The following LZTS3 variants were observed in gnomAD, a reference collection of about 807,000 sequenced individuals.
LZTS3 encodes leucine zipper putative tumor suppressor 3.
Under a neutral mutation model 50.9 loss-of-function variants are expected in LZTS3, and 16 were observed. The ratio of observed to expected loss-of-function variants is 0.31; its 90% CI spans 0.21 to 0.48. The LOEUF is 0.48. Ranked by LOEUF, LZTS3 falls within the 20% of genes least tolerant of loss-of-function variation. The pLI is 0.99. For missense variants in LZTS3, 816 were observed against 931.0 expected (o/e 0.88, Z 1.61); for synonymous variants, 408 against 410.6 (o/e 0.99, Z 0.08).
chr20:3,173,298 T>C lies in LZTS3; in HGVS notation c.-243+157A>G, dbSNP rs891666050. The stretch of plus-strand genomic sequence containing the variant: ...CAGGCCGGGCGAAGCATCCATGACA[T>C]CATCCGCCTCCTCTCCGCTCCCCTC... On this transcript the variant is annotated intron_variant, in intron 1 of 4. Coordinates refer to ENST00000337576, the MANE Select transcript of LZTS3 (RefSeq NM_001365618.1). Among the ~76,000 whole-genome samples the C allele has an allele frequency of 1.3e-4, 20 of 151,720 alleles. No individual in the cohort carries two copies. The South Asian group carries it at 4.2e-3, about 32-fold the overall frequency.
At position 3,165,889 on chromosome 20, in the gene LZTS3, C is replaced by T. The variant is rs866064164; in HGVS notation, c.931G>A (p.Ala311Thr). 2 of 1,607,546 alleles carry T rather than the reference C, an allele frequency of 1.2e-6. No individual in the cohort carries two copies. The highest frequency in any genetic ancestry group is 8.5e-7 in the Non-Finnish European group (1 of 1,179,544). The change falls in exon 4 of 5, where the codon GCC becomes ACC. Residue 311 changes from alanine to threonine, a missense_variant. Coordinates refer to ENST00000337576, the MANE Select transcript of LZTS3 (RefSeq NM_001365618.1). This position sits in a 1 kb window ranked among gnomAD's most constrained non-coding sequence, Gnocchi z 5.0. ...EGGGGGLPFAACSPPSPSALI... is the reference protein window; with the variant it reads ...EGGGGGLPFATCSPPSPSALI... ...GCACTGGGGGAGGGCGGTGAGCAGG[C>T]CGCGAAAGGCAGGCCTCCACCTCCG...
rs1314254181 is a variant in LZTS3 at position 3,166,274 on chromosome 20, C to T, written c.546G>A (p.Gln182=). 1 of 1,613,982 alleles carries T rather than the reference C, an allele frequency of 6.2e-7. No individual in the cohort carries two copies. The highest frequency in any genetic ancestry group is 1.3e-5 in the African/African-American group (1 of 75,060). Residue 182 remains glutamine (Q), a synonymous_variant, in exon 4 of 5, where the codon CAG becomes CAA. Coordinates refer to ENST00000337576, the MANE Select transcript of LZTS3 (RefSeq NM_001365618.1). ...FHSMQNLCPP[Q]TNGTPEGRQG... The stretch of plus-strand genomic sequence containing the variant: ...GCCGTCCCTCAGGAGTCCCATTGGT[C>T]TGCGGGGGGCACAAATTCTGCATGG...
chr20:3,167,047 G>A lies in LZTS3; in HGVS notation c.117C>T (p.Ser39=), dbSNP rs923081653. 23 of 1,571,778 alleles carry A rather than the reference G, an allele frequency of 1.5e-5. No individual in the cohort carries two copies. The highest frequency in any genetic ancestry group is 4.6e-5 in the East Asian group (2 of 43,896). Residue 39 remains serine, a synonymous_variant, in exon 3 of 5, where the codon AGC becomes AGT. Coordinates refer to ENST00000337576, the MANE Select transcript of LZTS3 (RefSeq NM_001365618.1). ...GPPDPRLAMG[S]VGSGVAHAQE... is the part of the protein sequence containing the mutation. ...GGGCATGGGCCACCCCACTGCCCACGCTGCCCATGGCCAGGCGGGGGTCCG... is the reference window on the plus strand; with the variant it reads ...GGGCATGGGCCACCCCACTGCCCACACTGCCCATGGCCAGGCGGGGGTCCG...
At chr20:3,170,612 G>A (rs970373830) in intron 1 of LZTS3, among the ~76,000 whole-genome samples, 5 of 150,952 alleles carry the variant, frequency 3.3e-5, no homozygotes, top group East Asian at 1.9e-4. Flanking sequence ...CCAACAGGGC[G>A]AAACCCTGCC....
In LZTS3 at chr20:3,165,403, A is replaced by ACCCC; in HGVS notation, c.1323+93_1323+94insGGGG. 1 of 699,242 alleles carries ACCCC rather than the reference A, an allele frequency of 1.4e-6. No individual in the cohort carries two copies. The highest frequency in any genetic ancestry group is 2.0e-6 in the Non-Finnish European group (1 of 500,198). The allele number at this position is 699,242 out of a possible 1,614,324, so 43.3% of individuals were successfully genotyped here. ...CCCTGCTCCTTTCATCCCCCCCCCC[A>ACCCC]TCCCACCGTTATGATAGTGAGGGGC... is the stretch of plus-strand genomic sequence containing the variant. On this transcript the variant is annotated intron_variant, in intron 4 of 4. Transcript: ENST00000337576. This position sits in a 1 kb window ranked among gnomAD's most constrained non-coding sequence, Gnocchi z 5.0.
Position 3,167,961 on chromosome 20 carries a change from T to TTCG in LZTS3, c.-242-1_-242insCGA. 1 of 685,732 alleles carries TTCG rather than the reference T, an allele frequency of 1.5e-6. No individual in the cohort carries two copies. The highest frequency in any genetic ancestry group is 1.8e-6 in the Non-Finnish European group (1 of 556,302). The allele number at this position is 685,732 out of a possible 1,614,324, so 42.5% of individuals were successfully genotyped here. On this transcript the variant is annotated splice_region_variant and 5_prime_UTR_variant. Coordinates refer to ENST00000337576, the MANE Select transcript of LZTS3 (RefSeq NM_001365618.1). ...GCCATCCCGGACTGCAGTTTTCTCC[T>TTCG]CTGCGAAATGGGAGGAATGAAGGAC...
chr20:3,166,995 T>C lies in LZTS3; in HGVS notation c.169A>G (p.Thr57Ala). Reference sequence around the variant, plus strand: ...TGGCTGCCCCCACCCCCTGTGCGGGTACCCACGCTCTTCATGGCAAACTCC... The same window carrying C: ...TGGCTGCCCCCACCCCCTGTGCGGGCACCCACGCTCTTCATGGCAAACTCC... ...AQEFAMKSVG[T>A]RTGGGGSQGS... The change falls in exon 3 of 5, where the codon ACC becomes GCC. Residue 57 changes from threonine (T) to alanine (A), a missense_variant. This residue lies in a region of LZTS3 where 700 missense variants were observed against 769.4 expected (regional missense o/e 0.91). Transcript: ENST00000337576. 3 of 1,596,162 alleles carry C rather than the reference T, an allele frequency of 1.9e-6. No homozygotes were observed. Among genetic ancestry groups the C allele is most frequent in the Non-Finnish European group, 1.7e-6 (2 of 1,177,376 alleles).
chr20:3,169,165 A>T (rs1040751537), intron 1 of LZTS3, among the ~76,000 whole-genome samples: 1 of 152,214 alleles, frequency 6.6e-6, no homozygotes, highest in African/African-American at 2.4e-5. Context: ...AACAGCAAGT[A>T]CACAGCCCTG....
At chr20:3,170,390 G>C (rs1386244866) in intron 1 of LZTS3, among the ~76,000 whole-genome samples, 1 of 147,592 alleles carries the variant, frequency 6.8e-6, no homozygotes, top group African/African-American at 2.5e-5. Flanking sequence ...TCAGGAGGCT[G>C]AGGTGGGAGA....
rs2122169142 is a variant in LZTS3 at position 3,165,569 on chromosome 20, C to T, written c.1251G>A (p.Leu417=). 3.1e-6 allele frequency: 5 copies of T among 1,593,708 alleles called. No individual in the cohort carries two copies. The highest frequency in any genetic ancestry group is 4.2e-6 in the Non-Finnish European group (5 of 1,177,208). ...AARLMRQREE[L]EDKVAACQKE... Reference sequence around the variant, plus strand: ...TCTGGCAGGCGGCCACCTTGTCCTCCAGCTCTTCCCGCTGCCGCATCAGCC... The same window carrying T: ...TCTGGCAGGCGGCCACCTTGTCCTCTAGCTCTTCCCGCTGCCGCATCAGCC... Residue 417 remains leucine (L), a synonymous_variant, in exon 4 of 5, where the codon CTG becomes CTA. Coordinates refer to ENST00000337576, the MANE Select transcript of LZTS3 (RefSeq NM_001365618.1). This position sits in a 1 kb window ranked among gnomAD's most constrained non-coding sequence, Gnocchi z 5.0.
At position 3,173,515 on chromosome 20, in the gene LZTS3, G is replaced by T. The variant is rs1337472034; in HGVS notation, c.-303C>A. ...CGGGCGCCACCGGCCCCGCTTGCTG[G>T]CGCAGCCCGAAGCACGCCCGGCGGG... is the stretch of plus-strand genomic sequence containing the variant. On this transcript the variant is annotated 5_prime_UTR_variant, in exon 1 of 5. Coordinates refer to ENST00000337576, the MANE Select transcript of LZTS3 (RefSeq NM_001365618.1). 6.6e-6 allele frequency: 1 copy of T among 151,460 alleles called. No individual in the cohort carries two copies. Among genetic ancestry groups the T allele is most frequent in the Non-Finnish European group, 1.5e-5 (1 of 67,820 alleles). 9.4% of individuals were successfully genotyped at this position (151,460 alleles called of 1,614,324 possible). A position where few individuals can be genotyped will look rare whatever the true frequency, so the allele number is the denominator to read the frequency against.
rs1482727548 is a variant in LZTS3, at chr20:3,164,724, C to G, written c.1752G>C (p.Leu584=). The G allele has an allele frequency of 9.6e-6, 15 of 1,559,088 alleles. No individual in the cohort carries two copies. Among genetic ancestry groups the G allele is most frequent in the Non-Finnish European group, 1.3e-5 (15 of 1,154,472 alleles). The change falls in exon 5 of 5, where the codon CTG becomes CTC. Residue 584 remains leucine (L), a synonymous_variant. Transcript: ENST00000337576. Reference sequence around the variant, plus strand: ...GCTCCCGGGCCCGCCGCTCAGCCGCCAGCTCGGCCTGCAGCCGCCCCACCT... The same window carrying G: ...GCTCCCGGGCCCGCCGCTCAGCCGCGAGCTCGGCCTGCAGCCGCCCCACCT... ...RREVGRLQAE[L]AAERRARERQ...
Position 3,164,551 on chromosome 20 carries a change from G to A in LZTS3, c.1925C>T (p.Ala642Val). 1 of 1,607,690 alleles carries A rather than the reference G, an allele frequency of 6.2e-7. No individual in the cohort carries two copies. The change falls in exon 5 of 5, where the codon GCC (alanine) becomes GTC (valine). Residue 642 changes from alanine (A) to valine (V), a missense_variant. By Grantham distance (64) the Ala-to-Val change is moderately conservative. Coordinates refer to ENST00000337576, the MANE Select transcript of LZTS3 (RefSeq NM_001365618.1). The part of the protein sequence containing the change: ...QLERRLRERG[A>V]AGGASTPTPQ... ...AGTGGGCGTGCTTGCACCCCCTGCGGCCCCGCGCTCCCGCAGCCTGCGCTC... is the reference window on the plus strand; with the variant it reads ...AGTGGGCGTGCTTGCACCCCCTGCGACCCCGCGCTCCCGCAGCCTGCGCTC...
At position 3,166,933 on chromosome 20, in the gene LZTS3, C is replaced by T. The variant is rs1414031399; in HGVS notation, c.231G>A (p.Gly77=). The part of the protein sequence containing the change: ...SFPGPRGSGS[G]ASRERPGRYP... ...AGCGGCCCGGCCTCTCCCTGCTGGCCCCACTGCCACTGCCTCGGGGGCCAG... is the reference window on the plus strand; with the variant it reads ...AGCGGCCCGGCCTCTCCCTGCTGGCTCCACTGCCACTGCCTCGGGGGCCAG... Residue 77 remains glycine, a synonymous_variant, in exon 3 of 5, where the codon GGG becomes GGA. Coordinates refer to ENST00000337576, the MANE Select transcript of LZTS3 (RefSeq NM_001365618.1). 6.2e-7 allele frequency: 1 copy of T among 1,609,706 alleles called. No individual in the cohort carries two copies. The highest frequency in any genetic ancestry group is 8.5e-7 in the Non-Finnish European group (1 of 1,179,794).
intron 1 of LZTS3, among the ~76,000 whole-genome samples, chr20:3,170,488 A>C (rs1568493176): frequency 1.8e-5 from 2 of 110,854 alleles, no homozygotes. Context: ...GACTACATCA[A>C]AAAAAAAAAA....
intron 3 of LZTS3, 55 bp downstream of exon 3, chr20:3,166,650 G>A (rs943272227): frequency 1.3e-6 from 2 of 1,577,850 alleles, no homozygotes; most frequent in African/African-American, 1.3e-5. Flanking sequence ...TCCTCTCTGG[G>A]TTGCCTCCCA....
In LZTS3 at chr20:3,166,247, C is replaced by T. The variant is rs2066818078; in HGVS notation, c.573G>A (p.Gln191=). The T allele has an allele frequency of 5.6e-6, 9 of 1,613,754 alleles. No individual in the cohort carries two copies. In the East Asian group the frequency reaches 1.8e-4, roughly 32 times the overall value. The change falls in exon 4 of 5, where the codon CAG becomes CAA. Residue 191 remains glutamine, a synonymous_variant. Coordinates refer to ENST00000337576, the MANE Select transcript of LZTS3 (RefSeq NM_001365618.1). ...PQTNGTPEGR[Q]GPGGLKGGLD... ...GTCCGCCTTTGAGGCCACCAGGGCCCTGCCGTCCCTCAGGAGTCCCATTGG... is the reference window on the plus strand; with the variant it reads ...GTCCGCCTTTGAGGCCACCAGGGCCTTGCCGTCCCTCAGGAGTCCCATTGG...
At chr20:3,170,211 C>T (rs967259894) in intron 1 of LZTS3, among the ~76,000 whole-genome samples, 2 of 152,056 alleles carry the variant, frequency 1.3e-5, no homozygotes, top group African/African-American at 4.8e-5. Context: ...GTACAAGTGC[C>T]GGATGCGGTG....
chr20:3,164,289 G>A lies in LZTS3; in HGVS notation c.*165C>T. On this transcript the variant is annotated 3_prime_UTR_variant, in exon 5 of 5. Transcript: ENST00000337576. ...GGGCTGCCACGGGGGCAGTGCTGGA[G>A]CTAGGAGGGCAGGTGGGGAGGGAGG... 1 of 672,318 alleles carries A rather than the reference G, an allele frequency of 1.5e-6. No individual in the cohort carries two copies. Among genetic ancestry groups the A allele is most frequent in the Admixed American group, 4.1e-5 (1 of 24,338 alleles). 41.6% of individuals were successfully genotyped at this position (672,318 alleles called of 1,614,324 possible). A position where few individuals can be genotyped will look rare whatever the true frequency, so the allele number is the denominator to read the frequency against.
Sources: gnomAD v4.1 joint callset for allele counts (sites outside exome capture counted in the v4.1 genomes callset) on GRCh38, gnomAD v4.1.1 for gene constraint, gnomAD v4.1.1 regional missense constraint, Gnocchi (gnomAD v3.1) non-coding constraint, MANE v1.5 for transcripts, NCBI Gene and HGNC (gene_info 2026-07-23, HGNC 2026-07-21) for gene names.